Variants in GOLM1 observed in about 807,000 individuals in gnomAD.
GOLM1 encodes the protein golgi membrane protein 1.
GOLM1 carries 31 observed loss-of-function variants against 50.5 expected under a neutral mutation model. The ratio of observed to expected loss-of-function variants is 0.61; its 90% CI spans 0.46 to 0.83. The LOEUF (loss-of-function observed/expected upper bound fraction) is 0.83. Among genes scored for constraint, GOLM1 ranks in the 40% least tolerant of loss-of-function variants. The pLI, the probability that GOLM1 is intolerant of heterozygous loss-of-function variation, is 0.00. For missense variants in GOLM1, 491 were observed against 501.3 expected (o/e 0.98, Z 0.20); for synonymous variants, 178 against 192.8 (o/e 0.92, Z 0.64).
intron 1 of GOLM1, among the ~76,000 whole-genome samples, chr9:86,098,241 T>C (rs1835411590): frequency 6.6e-6 from 1 of 151,916 alleles, no homozygotes; most frequent in Non-Finnish European, 1.5e-5. Context: ...TACTAGTTTC[T>C]ATTAAGAAAG....
chr9:86,058,947 G>C (rs996732132), intron 3 of GOLM1, among the ~76,000 whole-genome samples: 1 of 152,118 alleles, frequency 6.6e-6, no homozygotes, highest in Non-Finnish European at 1.5e-5. Context: ...GCAGTGATCC[G>C]AGATTGAGCC....
chr9:86,066,033 C>CT (rs1834297980), intron 3 of GOLM1, among the ~76,000 whole-genome samples: 1 of 152,172 alleles, frequency 6.6e-6, no homozygotes, highest in African/African-American at 2.4e-5. Context: ...CAGTGAGACT[C>CT]TGTCTCCAGA....
At chr9:86,051,111 T>TGAAGGCAGAAA (rs1316095836) in intron 4 of GOLM1, among the ~76,000 whole-genome samples, 89 of 152,202 alleles carry the variant, frequency 5.8e-4, no homozygotes, top group Non-Finnish European at 1.1e-3. Flanking sequence ...CTGCCTTCAT[T>TGAAGGCAGAAA]TAGTTATGTA....
At chr9:86,063,455 C>A (rs1039328382) in intron 3 of GOLM1, among the ~76,000 whole-genome samples, 1 of 152,188 alleles carries the variant, frequency 6.6e-6, no homozygotes, top group Admixed American at 6.5e-5. Flanking sequence ...AAGGCGTACA[C>A]AGACCTTTGG....
chr9:86,075,519 G>A (rs974815170), intron 3 of GOLM1, among the ~76,000 whole-genome samples: 1 of 152,152 alleles, frequency 6.6e-6, no homozygotes, highest in South Asian at 2.1e-4. Context: ...CCACTTGACA[G>A]TTGAGAAAAC....
chr9:86,092,209 C>T (rs138506879), intron 1 of GOLM1, among the ~76,000 whole-genome samples: 2 of 152,332 alleles, frequency 1.3e-5, no homozygotes, highest in Non-Finnish European at 2.9e-5. Flanking sequence ...CTACATTTGG[C>T]ACATAGTAAT....
chr9:86,060,629 C>T (rs1834124659), intron 3 of GOLM1, among the ~76,000 whole-genome samples: 1 of 151,914 alleles, frequency 6.6e-6, no homozygotes, highest in South Asian at 2.1e-4. Flanking sequence ...CGCCTGTAAT[C>T]CCAGCACTTT....
At chr9:86,030,290 T>TA (rs1832936700) in intron 9 of GOLM1, among the ~76,000 whole-genome samples, 1 of 132,692 alleles carries the variant, frequency 7.5e-6, no homozygotes, top group Non-Finnish European at 1.6e-5. Context: ...CTCAAGAACA[T>TA]AAATGAGTGG....
intron 9 of GOLM1, 142 bp from the exon 10 acceptor site, chr9:86,028,035 A>C: frequency 3.3e-6 from 2 of 599,316 alleles, no homozygotes; most frequent in Non-Finnish European, 5.9e-6. Flanking sequence ...TGGGAGTTGT[A>C]TTCCTCATCA....
intron 9 of GOLM1, among the ~76,000 whole-genome samples, chr9:86,030,218 CAAAAAAAAAAAAAA>C (rs35215928): frequency 4.1e-5 from 3 of 73,442 alleles, no homozygotes; most frequent in African/African-American, 1.1e-4. Context: ...GACTCTGTCT[CAAAAAAAAAAAAAA>C]AAAAAAAAAA....
chr9:86,063,343 T>A (rs1211580476), intron 3 of GOLM1, among the ~76,000 whole-genome samples: 3 of 152,168 alleles, frequency 2.0e-5, no homozygotes, highest in Non-Finnish European at 4.4e-5. Flanking sequence ...CTGAGGGCAC[T>A]GGGGGTTTCC....
rs1834093876 is a variant in GOLM1, at chr9:86,059,614, G to A, written c.310-7023C>T. On this transcript the variant is annotated intron_variant, in intron 3 of 9. Coordinates refer to ENST00000388712, the MANE Select transcript of GOLM1 (RefSeq NM_016548.4). ...TTTGTGGGGTGATAAAAATGTTCTG[G>A]CTGGGCGTGGTGGCTCACACCTGTA... 2.0e-5 allele frequency among the ~76,000 whole-genome samples: 3 copies of A among 152,106 alleles called. No individual in the cohort carries two copies. In the South Asian group the frequency reaches 6.2e-4, roughly 32 times the overall value.
At chr9:86,097,879 T>TCAA (rs915322492) in intron 1 of GOLM1, among the ~76,000 whole-genome samples, 12 of 151,904 alleles carry the variant, frequency 7.9e-5, no homozygotes, top group African/African-American at 2.2e-4. Context: ...TGCCCAGCCC[T>TCAA]CAACAACAAC....
At position 86,067,435 on chromosome 9, in the gene GOLM1, T is replaced by C. The variant is rs543123368; in HGVS notation, c.309+9977A>G. Among the ~76,000 whole-genome samples the C allele has an allele frequency of 5.9e-5, 9 of 152,382 alleles. No homozygotes were observed. The South Asian group carries it at 1.7e-3, about 28-fold the overall frequency. ...TATGAATCTGTAAAAAAGAAAACAG[T>C]ATTTCACTGGTGGTTGCGTGAAGAT... On this transcript the variant is annotated intron_variant, in intron 3 of 9. Coordinates refer to ENST00000388712, the MANE Select transcript of GOLM1 (RefSeq NM_016548.4).
chr9:86,038,213 A>G (rs138985109), intron 6 of GOLM1, among the ~76,000 whole-genome samples: 137 of 152,128 alleles, frequency 9.0e-4, no homozygotes, highest in African/African-American at 3.1e-3. Flanking sequence ...AGGGACTCCC[A>G]TACTTATGAG....
intron 3 of GOLM1, among the ~76,000 whole-genome samples, chr9:86,070,561 A>C (rs1834419504): frequency 1.3e-5 from 2 of 148,896 alleles, no homozygotes; most frequent in African/African-American, 2.5e-5. Flanking sequence ...ACAGAGCGAG[A>C]CTCCACCTCA....
Position 86,036,478 on chromosome 9 carries a change from C to A in GOLM1, c.627G>T (p.Arg209Ser), listed in dbSNP as rs1319943876. Residue 209 changes from arginine (R) to serine (S), a missense_variant, in exon 7 of 10, where the codon AGG (arginine) becomes AGT (serine). Coordinates refer to ENST00000388712, the MANE Select transcript of GOLM1 (RefSeq NM_016548.4). ...TGTGTGGCAGGCCTGCTGCCTGCAG[C>A]CTGGGCTGAGGCTCACTGAGGGCTT... Reference protein sequence around the residue: ...QLQALSEPQPRLQAAGLPHTE... With the variant: ...QLQALSEPQPSLQAAGLPHTE... The A allele has an allele frequency of 6.2e-7, 1 of 1,613,986 alleles. No individual in the cohort carries two copies. The highest frequency in any genetic ancestry group is 1.3e-5 in the African/African-American group (1 of 74,912).
chr9:86,047,353 C>T (rs1438705340), intron 4 of GOLM1, among the ~76,000 whole-genome samples: 3 of 152,274 alleles, frequency 2.0e-5, no homozygotes, highest in Admixed American at 6.5e-5. Flanking sequence ...CAAGGTGGGC[C>T]CTCACAACAC....
At chr9:86,044,390 G>C (rs909945343) in intron 5 of GOLM1, among the ~76,000 whole-genome samples, 7 of 152,210 alleles carry the variant, frequency 4.6e-5, no homozygotes, top group African/African-American at 1.7e-4. Flanking sequence ...TATTACGGCA[G>C]GTGGACAATG....
Sources: allele counts gnomAD v4.1 joint callset (sites outside exome capture counted in the v4.1 genomes callset), GRCh38; gene constraint gnomAD v4.1.1; transcripts MANE v1.5; gene names NCBI Gene and HGNC (gene_info 2026-07-23, HGNC 2026-07-21).